Variants in CASR observed in about 807,000 individuals in gnomAD.
CASR encodes calcium sensing receptor, also known as extracellular calcium-sensing receptor.
A neutral mutation model predicts 69.1 loss-of-function variants in CASR; 23 were observed. The ratio of observed to expected loss-of-function variants is 0.33; its 90% CI spans 0.24 to 0.47. The LOEUF is 0.47. Ranked by LOEUF, CASR falls within the 20% of genes least tolerant of loss-of-function variation. CASR has a pLI of 1.00. For synonymous variants in CASR, 541 were observed against 544.7 expected (o/e 0.99, Z 0.10); for missense variants, 924 against 1,356.1 (o/e 0.68, Z 5.00).
chr3:122,289,556 G>A lies in CASR; in HGVS notation c.*4365G>A, dbSNP rs1162458439. 1.3e-5 allele frequency: 2 copies of A among 152,442 alleles called. No individual in the cohort carries two copies. Among genetic ancestry groups the A allele is most frequent in the African/African-American group, 4.8e-5 (2 of 41,454 alleles). 9.4% of individuals were successfully genotyped at this position (152,442 alleles called of 1,614,324 possible). A position where few individuals can be genotyped will look rare whatever the true frequency, so the allele number is the denominator to read the frequency against. ...AGAGGAAAAGCTCAGCAAGTGGTAT[G>A]AGAAATGGAGAACTGCTAGGTGAAG... On this transcript the variant is annotated 3_prime_UTR_variant, in exon 7 of 7. Transcript: ENST00000639785.
intron 4 of CASR, among the ~76,000 whole-genome samples, chr3:122,267,792 T>A (rs995106425): frequency 3.9e-5 from 6 of 152,018 alleles, no homozygotes; most frequent in African/African-American, 1.4e-4. Flanking sequence ...ATAAAAAAAA[T>A]AACGGAAAGT....
chr3:122,284,249 C>T lies in CASR; in HGVS notation c.2295C>T (p.Cys765=), dbSNP rs1232096655. The change falls in exon 7 of 7, where the codon TGC becomes TGT. Residue 765 remains cysteine (C), a synonymous_variant. Transcript: ENST00000639785. ...AGGATGAGATCATCTTCATCACGTG[C>T]CACGAGGGCTCCCTCATGGCCCTGG... The part of the protein sequence containing the change: ...ELEDEIIFIT[C]HEGSLMALGF... 1 of 1,614,026 alleles carries T rather than the reference C, an allele frequency of 6.2e-7. No homozygotes were observed. The highest frequency in any genetic ancestry group is 8.5e-7 in the Non-Finnish European group (1 of 1,180,048).
Position 122,284,504 on chromosome 3 carries a change from G to A in CASR, c.2550G>A (p.Ala850=), listed in dbSNP as rs867061333. Residue 850 remains alanine (A), a synonymous_variant, in exon 7 of 7, where the codon GCG becomes GCA. Coordinates refer to ENST00000639785, the MANE Select transcript of CASR (RefSeq NM_000388.4). ...AILAASFGLL[A]CIFFNKIYII... The stretch of plus-strand genomic sequence containing the variant: ...TGGCAGCCAGCTTTGGCTTGCTGGC[G>A]TGCATCTTCTTCAACAAGATCTACA... 6.2e-6 allele frequency: 10 copies of A among 1,613,090 alleles called. 1 individual carries two copies. The highest frequency in any genetic ancestry group is 1.6e-4 in the Middle Eastern group (1 of 6,084).
chr3:122,236,301 C>T (rs1465402320), intron 1 of CASR, among the ~76,000 whole-genome samples: 1 of 152,192 alleles, frequency 6.6e-6, no homozygotes, highest in African/African-American at 2.4e-5. Context: ...AATGGAGAAT[C>T]TTCTCATAGA....
intron 3 of CASR, among the ~76,000 whole-genome samples, chr3:122,260,441 T>A (rs2074606901): frequency 6.6e-6 from 1 of 152,250 alleles, no homozygotes; most frequent in Non-Finnish European, 1.5e-5. Context: ...CCAGGGTTCC[T>A]GTTCAGCCTC....
chr3:122,227,796 GA>G (rs2074239540), intron 1 of CASR, among the ~76,000 whole-genome samples: 1 of 152,134 alleles, frequency 6.6e-6, no homozygotes, highest in African/African-American at 2.4e-5. Flanking sequence ...CTACCTGGGT[GA>G]CAAGATCATT....
chr3:122,210,663 A>G (rs1344931631), intron 1 of CASR, among the ~76,000 whole-genome samples: 1 of 152,242 alleles, frequency 6.6e-6, no homozygotes, highest in African/African-American at 2.4e-5. Context: ...GCCTTACTGC[A>G]CAAAGTAATG....
intron 1 of CASR, among the ~76,000 whole-genome samples, chr3:122,250,919 A>G (rs2074476552): frequency 6.6e-6 from 1 of 152,178 alleles, no homozygotes; most frequent in Non-Finnish European, 1.5e-5. Context: ...AGAGCTCCTG[A>G]GGATATAAAC....
At chr3:122,258,358 CT>C (rs34570632) in intron 3 of CASR, among the ~76,000 whole-genome samples, 26,787 of 114,898 alleles carry the variant, frequency 0.23, 2,588 homozygotes, top group Middle Eastern at 0.39. Context: ...GGGAGGGCTC[CT>C]TTTTTTTTTT....
rs1480519118 is a variant in CASR at position 122,290,821 on chromosome 3, T to C, written c.*5630T>C. On this transcript the variant is annotated 3_prime_UTR_variant, in exon 7 of 7. Coordinates refer to ENST00000639785, the MANE Select transcript of CASR (RefSeq NM_000388.4). ...GTATACATGTGCCATGTTGGTGTGC[T>C]GTACCCATTAACTCGTCATTTACCA... is the stretch of plus-strand genomic sequence containing the variant. The C allele has an allele frequency of 6.6e-6, 1 of 151,740 alleles. No homozygotes were observed. Among genetic ancestry groups the C allele is most frequent in the Non-Finnish European group, 1.5e-5 (1 of 67,928 alleles). The allele number at this position is 151,740 out of a possible 1,614,324, so 9.4% of individuals were successfully genotyped here.
At chr3:122,275,123 C>T (rs1418651225) in intron 4 of CASR, among the ~76,000 whole-genome samples, 1 of 152,134 alleles carries the variant, frequency 6.6e-6, no homozygotes, top group African/African-American at 2.4e-5. Context: ...GGTCGTGCCT[C>T]AATGGTAGTA....
intron 1 of CASR, among the ~76,000 whole-genome samples, chr3:122,212,988 A>G (rs2074083880): frequency 6.6e-6 from 1 of 152,154 alleles, no homozygotes. Flanking sequence ...TCTGGGATGC[A>G]TTTACTCTTG....
At chr3:122,281,551 C>A (rs992333523) in intron 5 of CASR, among the ~76,000 whole-genome samples, 1 of 152,186 alleles carries the variant, frequency 6.6e-6, no homozygotes, top group African/African-American at 2.4e-5. Context: ...TTTCTTCCCA[C>A]TCCTTTTTTA....
At chr3:122,246,134 T>C (rs2074425594) in intron 1 of CASR, among the ~76,000 whole-genome samples, 1 of 152,192 alleles carries the variant, frequency 6.6e-6, no homozygotes. Flanking sequence ...CCAGGTCCCT[T>C]CTATCTCTAA....
At chr3:122,199,744 G>A (rs1434236162) in intron 1 of CASR, among the ~76,000 whole-genome samples, 9 of 152,122 alleles carry the variant, frequency 5.9e-5, no homozygotes, top group Admixed American at 5.9e-4. Flanking sequence ...GCGGGGGTGG[G>A]AGGTGATAAC....
At chr3:122,210,094 A>G (rs2074047554) in intron 1 of CASR, among the ~76,000 whole-genome samples, 1 of 152,218 alleles carries the variant, frequency 6.6e-6, no homozygotes, top group Non-Finnish European at 1.5e-5. Flanking sequence ...ACCTCAAAAG[A>G]ATAAGAGCTA....
At chr3:122,274,877 T>G (rs1379168614) in intron 4 of CASR, among the ~76,000 whole-genome samples, 1 of 152,158 alleles carries the variant, frequency 6.6e-6, no homozygotes, top group Non-Finnish European at 1.5e-5. Flanking sequence ...TGGCCTCACA[T>G]GAAAGATAAG....
intron 3 of CASR, among the ~76,000 whole-genome samples, chr3:122,259,814 C>A (rs972193859): frequency 8.6e-5 from 13 of 151,572 alleles, no homozygotes; most frequent in African/African-American, 2.9e-4. Context: ...TATTTTTAGT[C>A]GAGACGGGGT....
rs34061605 is a variant in CASR, at chr3:122,285,582, G to A, written c.*391G>A. On this transcript the variant is annotated 3_prime_UTR_variant, in exon 7 of 7. Coordinates refer to ENST00000639785, the MANE Select transcript of CASR (RefSeq NM_000388.4). The stretch of plus-strand genomic sequence containing the variant: ...TTGCCACCACTAGAGCTGAGAGTCT[G>A]AAAGACAGAATGTCACCAGTCCTGC... 335 of 238,246 alleles carry A rather than the reference G, an allele frequency of 1.4e-3. 2 individuals carry two copies. Among genetic ancestry groups the A allele is most frequent in the African/African-American group, 7.3e-3 (326 of 44,784 alleles). The allele number at this position is 238,246 out of a possible 1,614,324, so 14.8% of individuals were successfully genotyped here. A position where few individuals can be genotyped will look rare whatever the true frequency, so the allele number is the denominator to read the frequency against.
Sources: gnomAD v4.1 joint callset for allele counts (sites outside exome capture counted in the v4.1 genomes callset) on GRCh38, gnomAD v4.1.1 for gene constraint, MANE v1.5 for transcripts, NCBI Gene and HGNC (gene_info 2026-07-23, HGNC 2026-07-21) for gene names.